Variants in APBB2 observed in about 807,000 individuals in gnomAD.
APBB2 encodes Fe65-like 1.
In APBB2, 38 loss-of-function variants were observed where a neutral mutation model predicts 82.5. The observed-to-expected ratio is 0.46, with a 90% confidence interval of 0.36 to 0.60. The LOEUF is 0.60. APBB2 is among the 20% of genes least tolerant of loss of function. The pLI is 0.00. For missense variants in APBB2, 772 were observed against 972.3 expected (o/e 0.79, Z 2.74); for synonymous variants, 341 against 368.2 (o/e 0.93, Z 0.85).
intron 5 of APBB2, among the ~76,000 whole-genome samples, chr4:41,024,982 G>A (rs1478691883): frequency 1.3e-5 from 2 of 152,140 alleles, no homozygotes; most frequent in Non-Finnish European, 2.9e-5. Context: ...TACGATTCGC[G>A]CCACTGTAAA....
intron 10 of APBB2, among the ~76,000 whole-genome samples, chr4:40,929,549 G>A (rs11733818): frequency 7.1e-4 from 108 of 152,050 alleles, no homozygotes; most frequent in Non-Finnish European, 1.3e-3. Context: ...TCCACCCGCC[G>A]TGGCCTCCCA....
chr4:41,210,850 G>A (rs1779138819), intron 1 of APBB2, among the ~76,000 whole-genome samples: 2 of 152,302 alleles, frequency 1.3e-5, no homozygotes, highest in African/African-American at 4.8e-5. Flanking sequence ...GTGAAATCAC[G>A]AGCATCTACC....
intron 1 of APBB2, among the ~76,000 whole-genome samples, chr4:41,209,536 G>A (rs1778809073): frequency 6.6e-6 from 1 of 152,182 alleles, no homozygotes; most frequent in South Asian, 2.1e-4. Context: ...GACAAAGGCT[G>A]GGACACAGGA....
chr4:41,187,221 A>G (rs1196765346), intron 1 of APBB2, among the ~76,000 whole-genome samples: 1 of 152,220 alleles, frequency 6.6e-6, no homozygotes, highest in African/African-American at 2.4e-5. Context: ...AAATATTAAA[A>G]TGTAACACCT....
At position 41,145,219 on chromosome 4, in the gene APBB2, G is replaced by A. The variant is rs1047798990; in HGVS notation, c.-416-2077C>T. On this transcript the variant is annotated intron_variant, in intron 1 of 17. Coordinates refer to ENST00000508593, the MANE Select transcript of APBB2 (RefSeq NM_004307.2). Reference sequence around the variant, plus strand: ...GACTCCTGGCACACTCATTTCTGATGCTCTTGGCATCCTGAAAAACACAAG... The same window carrying A: ...GACTCCTGGCACACTCATTTCTGATACTCTTGGCATCCTGAAAAACACAAG... Among the ~76,000 whole-genome samples the A allele has an allele frequency of 1.6e-4, 25 of 152,128 alleles. 1 individual carries two copies. Among genetic ancestry groups the A allele is most frequent in the Non-Finnish European group, 3.5e-4 (24 of 68,028 alleles).
intron 13 of APBB2, among the ~76,000 whole-genome samples, chr4:40,829,094 A>G: frequency 6.6e-6 from 1 of 152,172 alleles, no homozygotes; most frequent in South Asian, 2.1e-4. Flanking sequence ...TGGGGCATGG[A>G]AAGGGCTGGC....
intron 2 of APBB2, among the ~76,000 whole-genome samples, chr4:41,112,063 G>A (rs1454915742): frequency 6.6e-6 from 1 of 152,200 alleles, no homozygotes; most frequent in East Asian, 1.9e-4. Context: ...GATGGGCTGA[G>A]TTCCACAGCA....
At chr4:41,119,294 G>C (rs1439730811) in intron 2 of APBB2, among the ~76,000 whole-genome samples, 1 of 152,002 alleles carries the variant, frequency 6.6e-6, no homozygotes, top group African/African-American at 2.4e-5. Context: ...GCCGACTGGG[G>C]GAGTGAGTTT....
intron 8 of APBB2, 98 bp downstream of exon 8, chr4:40,934,979 G>C: frequency 9.6e-7 from 1 of 1,041,516 alleles, no homozygotes; most frequent in Non-Finnish European, 1.4e-6. Context: ...CTGTGTCCCT[G>C]CAGAATGCAT....
intron 7 of APBB2, among the ~76,000 whole-genome samples, chr4:40,938,566 T>C (rs1346282210): frequency 6.6e-6 from 1 of 152,208 alleles, no homozygotes; most frequent in Non-Finnish European, 1.5e-5. Context: ...GTTGATTCTT[T>C]GACAATATCA....
At chr4:40,817,550 G>A (rs910831764) in intron 17 of APBB2, among the ~76,000 whole-genome samples, 1 of 152,008 alleles carries the variant, frequency 6.6e-6, no homozygotes, top group African/African-American at 2.4e-5. Flanking sequence ...ATTACTCAGA[G>A]GGCAGACTTC....
At chr4:41,043,194 A>G (rs1224042181) in intron 4 of APBB2, among the ~76,000 whole-genome samples, 2 of 152,192 alleles carry the variant, frequency 1.3e-5, no homozygotes, top group Admixed American at 6.5e-5. Flanking sequence ...GGTATTTATC[A>G]TAAGGACAAA....
At chr4:41,067,931 A>C (rs143280602) in intron 3 of APBB2, among the ~76,000 whole-genome samples, 1 of 152,286 alleles carries the variant, frequency 6.6e-6, no homozygotes, top group East Asian at 1.9e-4. Context: ...GACTCAGTTC[A>C]GGGGGAGAGG....
intron 15 of APBB2, chr4:40,825,675 G>A: frequency 1.8e-6 from 1 of 540,614 alleles, no homozygotes. Context: ...AGTCCTGCAT[G>A]CTGGGGATGA....
At chr4:40,886,111 C>T (rs923071056) in intron 12 of APBB2, among the ~76,000 whole-genome samples, 2 of 152,178 alleles carry the variant, frequency 1.3e-5, no homozygotes, top group East Asian at 1.9e-4. Context: ...ATCTCTGTGC[C>T]CCTACCCAGA....
chr4:41,160,019 A>AGAAGAG (rs1560914251), intron 1 of APBB2, among the ~76,000 whole-genome samples: 2 of 148,166 alleles, frequency 1.3e-5, no homozygotes, highest in African/African-American at 2.6e-5. Context: ...AAGAAGAAGA[A>AGAAGAG]GAAGAAGAAG....
intron 12 of APBB2, among the ~76,000 whole-genome samples, chr4:40,884,122 A>G (rs17442189): frequency 0.25 from 38,380 of 152,004 alleles, 5,215 homozygotes; most frequent in Admixed American, 0.32. Context: ...TAGACCATTC[A>G]CCATCTCTTG....
At chr4:41,207,616 C>T (rs13109566) in intron 1 of APBB2, among the ~76,000 whole-genome samples, 12,143 of 152,248 alleles carry the variant, frequency 0.08, 691 homozygotes, top group Non-Finnish European at 0.12. Context: ...CTTTCCTTGT[C>T]ATTCTCAAGC....
In APBB2 at chr4:41,159,931, GAGGAGGAGGAGGAGA is replaced by G. The variant is rs1560912449; in HGVS notation, c.-416-16804_-416-16790del. Among the ~76,000 whole-genome samples the G allele has an allele frequency of 2.9e-4, 8 of 27,448 alleles. 1 individual carries two copies. In the East Asian group the frequency reaches 5.2e-3, roughly 18 times the overall value. The allele number at this position is 27,448 out of a possible 152,430, so 18.0% of individuals were successfully genotyped here. On this transcript the variant is annotated intron_variant, in intron 1 of 17. Transcript: ENST00000508593. ...GAAGGAGGAGGAGGAGGAGGAGGAG[GAGGAGGAGGAGGAGA>G]AGGAGAAGGAGAAGGAGAAGAAGAA...
Sources: gnomAD v4.1 joint callset for allele counts (sites outside exome capture counted in the v4.1 genomes callset) on GRCh38, gnomAD v4.1.1 for gene constraint, MANE v1.5 for transcripts, NCBI Gene and HGNC (gene_info 2026-07-23, HGNC 2026-07-21) for gene names.